The following FRMPD2 variants were observed in gnomAD, a reference collection of about 807,000 sequenced individuals.
FRMPD2 encodes FERM and PDZ domain-containing protein 2.
Under a neutral mutation model 140.1 loss-of-function variants are expected in FRMPD2, and 96 were observed. That is an observed-to-expected ratio of 0.69 (90% confidence interval 0.58 to 0.81). The LOEUF (loss-of-function observed/expected upper bound fraction) is 0.81. FRMPD2 is among the 40% of genes least tolerant of loss of function. The pLI is 0.00. For synonymous variants in FRMPD2, 449 were observed against 547.6 expected, an observed-to-expected ratio of 0.82 and a Z score of 2.52; for missense variants, 1,240 against 1,447.4, an observed-to-expected ratio of 0.86 and a Z score of 2.32.
At chr10:48,242,048 T>G in intron 5 of FRMPD2, 113 bp downstream of exon 5, 1 of 752,954 alleles carries the variant, frequency 1.3e-6, no homozygotes, top group East Asian at 2.8e-5. Context: ...CAGATGTGAC[T>G]GATTAATTTA....
chr10:48,162,745 T>C (rs1424402628), intron 28 of FRMPD2, among the ~76,000 whole-genome samples: 1 of 132,824 alleles, frequency 7.5e-6, no homozygotes, highest in African/African-American at 2.9e-5. Context: ...ACTGTGAAAA[T>C]GAATGTTGCA....
intron 17 of FRMPD2, among the ~76,000 whole-genome samples, 175 bp downstream of exon 17, chr10:48,187,017 C>T (rs1030680643): frequency 6.6e-6 from 1 of 152,142 alleles, no homozygotes; most frequent in African/African-American, 2.4e-5. Context: ...TCATACCCAG[C>T]CAAAGCTAAA....
chr10:48,209,681 G>T (rs1362095119), intron 13 of FRMPD2, among the ~76,000 whole-genome samples: 1 of 152,234 alleles, frequency 6.6e-6, no homozygotes, highest in Admixed American at 6.5e-5. Flanking sequence ...AGAAATGACG[G>T]CTGCACGAGG....
At chr10:48,188,079 G>A (rs906751859) in intron 16 of FRMPD2, among the ~76,000 whole-genome samples, 3 of 152,188 alleles carry the variant, frequency 2.0e-5, no homozygotes, top group African/African-American at 4.8e-5. Context: ...TCAGAGCCCT[G>A]GAAAAAGCCA....
intron 13 of FRMPD2, among the ~76,000 whole-genome samples, chr10:48,211,594 C>A (rs547764560): frequency 6.6e-6 from 1 of 152,152 alleles, no homozygotes; most frequent in African/African-American, 2.4e-5. Context: ...ACCAGCCTGG[C>A]CAACATGGGA....
chr10:48,251,639 T>G lies in FRMPD2; in HGVS notation c.78A>C (p.Glu26Asp), dbSNP rs1466305378. The G allele has an allele frequency of 6.2e-7, 1 of 1,614,054 alleles. No individual in the cohort carries two copies. The highest frequency in any genetic ancestry group is 8.5e-7 in the Non-Finnish European group (1 of 1,180,020). ...ACCAGATTTCCTCCTCAGACAGAGC[T>G]TCACCCCTGACCTGTAGGGCGCTGG... ...TLASALQVRG[E>D]ALSEEEIWSL... The change falls in exon 2 of 29, where the codon GAA becomes GAC. Residue 26 changes from glutamate (E) to aspartate (D), a missense_variant. Transcript: ENST00000374201.
chr10:48,161,634 C>G (rs1261048208), intron 28 of FRMPD2, among the ~76,000 whole-genome samples: 1 of 151,242 alleles, frequency 6.6e-6, no homozygotes, highest in Non-Finnish European at 1.5e-5. Flanking sequence ...AAGGAAGAAC[C>G]TTCTGATCAG....
chr10:48,232,002 G>C, intron 10 of FRMPD2, 113 bp downstream of exon 10: 2 of 910,002 alleles, frequency 2.2e-6, no homozygotes, highest in Non-Finnish European at 3.6e-6. Context: ...GGCATACAAA[G>C]GGAGGCACCC....
chr10:48,271,223 T>A (rs1034929947), intron 1 of FRMPD2, among the ~76,000 whole-genome samples: 1 of 152,174 alleles, frequency 6.6e-6, no homozygotes, highest in Admixed American at 6.5e-5. Flanking sequence ...TTCTGCAGGC[T>A]CTGTGGGGAC....
rs147420736 is a variant in FRMPD2 at position 48,236,419 on chromosome 10, C to T, written c.993+63G>A. Reference sequence around the variant, plus strand: ...GAGACCCCATTCAGACACAATTGGCCTCCCGCAACTGCCCACTTCCCTCGC... The same window carrying T: ...GAGACCCCATTCAGACACAATTGGCTTCCCGCAACTGCCCACTTCCCTCGC... On this transcript the variant is annotated intron_variant, in intron 9 of 28. Coordinates refer to ENST00000374201, the MANE Select transcript of FRMPD2 (RefSeq NM_001018071.4). 882 of 1,429,422 alleles carry T rather than the reference C, an allele frequency of 6.2e-4. 1 individual carries two copies. The highest frequency in any genetic ancestry group is 3.2e-3 in the East Asian group (143 of 44,012). 88.5% of individuals were successfully genotyped at this position (1,429,422 alleles called of 1,614,324 possible).
Position 48,206,974 on chromosome 10 carries a change from G to C in FRMPD2, c.1612-41C>G, listed in dbSNP as rs201475982. On this transcript the variant is annotated intron_variant, in intron 13 of 28. Coordinates refer to ENST00000374201, the MANE Select transcript of FRMPD2 (RefSeq NM_001018071.4). ...GCTGATTTAGAAGAGACAGGCACAT[G>C]GTTTAAAATAATGGGCCTCACGCCA... The C allele has an allele frequency of 1.1e-4, 177 of 1,583,230 alleles. No homozygotes were observed. In the African/African-American group the frequency reaches 2.3e-3, roughly 20 times the overall value.
intron 10 of FRMPD2, among the ~76,000 whole-genome samples, chr10:48,231,116 AC>A (rs1387611789): frequency 6.6e-6 from 1 of 152,230 alleles, no homozygotes; most frequent in Non-Finnish European, 1.5e-5. Flanking sequence ...CCATCCCAGT[AC>A]CGAGGAACAA....
chr10:48,184,204 C>CA, intron 20 of FRMPD2, among the ~76,000 whole-genome samples: 1 of 151,888 alleles, frequency 6.6e-6, no homozygotes, highest in Non-Finnish European at 1.5e-5. Context: ...GGATTCTATA[C>CA]AAAATATAGA....
At chr10:48,211,887 C>G in intron 13 of FRMPD2, 67 bp downstream of exon 13, 2 of 1,524,058 alleles carry the variant, frequency 1.3e-6, no homozygotes, top group Non-Finnish European at 1.8e-6. Flanking sequence ...TGAGAAGGCT[C>G]TGGAGGGGAT....
intron 9 of FRMPD2, among the ~76,000 whole-genome samples, 191 bp downstream of exon 9, chr10:48,236,291 G>T (rs1319584984): frequency 6.6e-6 from 1 of 152,116 alleles, no homozygotes; most frequent in Non-Finnish European, 1.5e-5. Flanking sequence ...AAGTCACGTG[G>T]GGCCCCTTTA....
In FRMPD2 at chr10:48,206,809, T is replaced by C. The variant is rs1448411603; in HGVS notation, c.1736A>G (p.Asn579Ser). The change falls in exon 14 of 29, where the codon AAC (asparagine) becomes AGC (serine). Residue 579 changes from asparagine (N) to serine (S), a missense_variant. Physicochemically the swap from Asn to Ser is conservative, Grantham distance 46. Around this residue, in one of 6 missense-constraint regions of FRMPD2, gnomAD observed 1,161 missense variants for 1,055.9 expected, o/e 1.10. Coordinates refer to ENST00000374201, the MANE Select transcript of FRMPD2 (RefSeq NM_001018071.4). ...CCGTAACATTGCAATTCTGCTGTTG[T>C]TTTTCACTTCATAGACTATGACACC... ...AKGVIVYEVK[N>S]NSRIAMLRFQ... is the part of the protein sequence containing the mutation. 9.9e-6 allele frequency: 16 copies of C among 1,613,972 alleles called. No individual in the cohort carries two copies. The South Asian group carries it at 1.8e-4, about 18-fold the overall frequency.
At chr10:48,261,647 T>C (rs1334707449) in intron 1 of FRMPD2, among the ~76,000 whole-genome samples, 1 of 152,138 alleles carries the variant, frequency 6.6e-6, no homozygotes, top group Non-Finnish European at 1.5e-5. Context: ...TTGCAAGAAA[T>C]TTTAAAAGTT....
intron 1 of FRMPD2, among the ~76,000 whole-genome samples, chr10:48,254,802 C>G (rs1840455914): frequency 6.6e-6 from 1 of 152,218 alleles, no homozygotes; most frequent in African/African-American, 2.4e-5. Flanking sequence ...TGGGTTTACG[C>G]TCTTGGTCTC....
intron 3 of FRMPD2, among the ~76,000 whole-genome samples, chr10:48,246,644 G>A (rs1361185172): frequency 6.6e-6 from 1 of 152,226 alleles, no homozygotes; most frequent in African/African-American, 2.4e-5. Flanking sequence ...TCAGTGCACT[G>A]TTTAGGGCAG....
Sources: allele counts gnomAD v4.1 joint callset (sites outside exome capture counted in the v4.1 genomes callset), GRCh38; gene constraint gnomAD v4.1.1; regional missense constraint gnomAD v4.1.1; transcripts MANE v1.5; gene names NCBI Gene and HGNC (gene_info 2026-07-23, HGNC 2026-07-21).